The following CTNNA2 variants were observed in gnomAD, a reference collection of about 807,000 sequenced individuals.
CTNNA2 encodes catenin alpha 2, also known as catenin alpha-2.
CTNNA2 carries 42 observed loss-of-function variants against 101.0 expected under a neutral mutation model. That is an observed-to-expected ratio of 0.42 (90% CI 0.32 to 0.54). CTNNA2 has a LOEUF of 0.54. Among genes scored for constraint, CTNNA2 ranks in the 20% least tolerant of loss-of-function variants. The pLI, the probability that CTNNA2 is intolerant of heterozygous loss-of-function variation, is 0.14. For synonymous variants in CTNNA2, 450 were observed against 456.4 expected, an observed-to-expected ratio of 0.99 and a Z score of 0.18; for missense variants, 871 against 1,223.1, an observed-to-expected ratio of 0.71 and a Z score of 4.29.
intron 2 of CTNNA2, among the ~76,000 whole-genome samples, chr2:79,247,937 C>A (rs919689207): frequency 2.0e-5 from 3 of 152,190 alleles, no homozygotes; most frequent in African/African-American, 7.2e-5. Flanking sequence ...TACACCTGGA[C>A]TTCATCCCAA....
At chr2:80,450,415 G>A (rs1683405723) in intron 9 of CTNNA2, among the ~76,000 whole-genome samples, 1 of 151,728 alleles carries the variant, frequency 6.6e-6, no homozygotes, top group Non-Finnish European at 1.5e-5. Context: ...TTTGTGTTTT[G>A]GGAACATCCA....
chr2:80,142,711 T>C (rs1843130), intron 7 of CTNNA2, among the ~76,000 whole-genome samples: 59,909 of 152,020 alleles, frequency 0.39, 13,252 homozygotes, highest in Non-Finnish European at 0.51. Context: ...TTTTAGGCTT[T>C]CAGCAGCCCA....
intron 4 of CTNNA2, among the ~76,000 whole-genome samples, chr2:79,860,971 A>C (rs1681579169): frequency 6.6e-6 from 1 of 152,220 alleles, no homozygotes; most frequent in Non-Finnish European, 1.5e-5. Context: ...ACTCAGGATG[A>C]AGAACATGTC....
intron 8 of CTNNA2, among the ~76,000 whole-genome samples, chr2:80,418,759 G>A (rs1158378126): frequency 6.6e-6 from 1 of 152,088 alleles, no homozygotes; most frequent in Admixed American, 6.5e-5. Context: ...TAATTTTTCA[G>A]GGACAGTTTC....
At chr2:80,032,979 C>T (rs1369325418) in intron 7 of CTNNA2, among the ~76,000 whole-genome samples, 2 of 151,860 alleles carry the variant, frequency 1.3e-5, no homozygotes, top group African/African-American at 4.8e-5. Flanking sequence ...GGTGAAACCC[C>T]ATCTCTACCA....
chr2:79,682,366 G>A (rs1292455174), intron 2 of CTNNA2, among the ~76,000 whole-genome samples: 4 of 140,536 alleles, frequency 2.8e-5, no homozygotes, highest in East Asian at 4.2e-4. Flanking sequence ...AGCCGAGATC[G>A]CGCCACTGCA....
At chr2:79,728,182 A>C (rs1004014898) in intron 2 of CTNNA2, among the ~76,000 whole-genome samples, 6 of 152,124 alleles carry the variant, frequency 3.9e-5, no homozygotes, top group African/African-American at 7.2e-5. Context: ...GAACTAGTTT[A>C]CAGTCCCACC....
intron 13 of CTNNA2, chr2:80,575,254 C>T (rs965364287): frequency 1.6e-4 from 25 of 152,140 alleles, no homozygotes; most frequent in Admixed American, 6.6e-5. Context: ...ATGGTATCCA[C>T]ACTTGTAACT....
chr2:79,563,298 G>T (rs1573354315), intron 1 of CTNNA2, among the ~76,000 whole-genome samples: 1 of 151,792 alleles, frequency 6.6e-6, no homozygotes, highest in South Asian at 2.1e-4. Context: ...GGGATTCAGG[G>T]TTTTTTGGTC....
chr2:79,883,405 T>C (rs1683597020), intron 6 of CTNNA2, among the ~76,000 whole-genome samples: 1 of 152,094 alleles, frequency 6.6e-6, no homozygotes, highest in Non-Finnish European at 1.5e-5. Context: ...AGCAAAAGAA[T>C]GAGGAAAAAA....
intron 7 of CTNNA2, among the ~76,000 whole-genome samples, chr2:80,017,318 G>A (rs187708804): frequency 6.6e-6 from 1 of 152,192 alleles, no homozygotes; most frequent in East Asian, 1.9e-4. Flanking sequence ...GGATGGATGA[G>A]TGTGTGAATA....
intron 7 of CTNNA2, among the ~76,000 whole-genome samples, chr2:79,928,640 A>G (rs1687189497): frequency 3.9e-5 from 6 of 152,210 alleles, no homozygotes; most frequent in Admixed American, 3.9e-4. Context: ...GTGTCTGCCC[A>G]ATTTCCAATC....
intron 7 of CTNNA2, among the ~76,000 whole-genome samples, chr2:79,975,454 C>G (rs1473669969): frequency 1.3e-5 from 2 of 152,152 alleles, no homozygotes; most frequent in African/African-American, 4.8e-5. Flanking sequence ...CAGACACCAG[C>G]TGGGTGTCCT....
At chr2:80,485,367 C>T (rs1481506413) in intron 9 of CTNNA2, among the ~76,000 whole-genome samples, 2 of 152,140 alleles carry the variant, frequency 1.3e-5, no homozygotes, top group Non-Finnish European at 2.9e-5. Context: ...CTGATAACTC[C>T]ATACAGGGTT....
intron 7 of CTNNA2, among the ~76,000 whole-genome samples, chr2:80,342,773 T>C (rs1044005460): frequency 5.3e-5 from 8 of 152,216 alleles, no homozygotes; most frequent in African/African-American, 1.9e-4. Flanking sequence ...AAATTTTAAG[T>C]GTATTGATTT....
chr2:79,449,024 C>T (rs903333625), intron 4 of CTNNA2, among the ~76,000 whole-genome samples: 1 of 151,948 alleles, frequency 6.6e-6, no homozygotes, highest in Non-Finnish European at 1.5e-5. Flanking sequence ...ATTTTGAAAC[C>T]GCATGATGCA....
intron 7 of CTNNA2, among the ~76,000 whole-genome samples, chr2:80,362,633 C>T (rs1230691819): frequency 1.1e-5 from 1 of 87,370 alleles, no homozygotes; most frequent in Non-Finnish European, 2.1e-5. Context: ...GGAAACTTAA[C>T]GTTTTTAAAA....
intron 3 of CTNNA2, among the ~76,000 whole-genome samples, chr2:79,813,757 C>G (rs1484020145): frequency 6.6e-6 from 1 of 152,076 alleles, no homozygotes; most frequent in Non-Finnish European, 1.5e-5. Context: ...AGCTAAGGAC[C>G]TTCTTTTAAG....
chr2:79,902,550 G>T (rs897087932), intron 6 of CTNNA2, among the ~76,000 whole-genome samples: 4 of 151,862 alleles, frequency 2.6e-5, no homozygotes, highest in African/African-American at 9.7e-5. Flanking sequence ...CCAGTTAAAG[G>T]GCTCATAAGA....
Sources: gnomAD v4.1 joint callset for allele counts (sites outside exome capture counted in the v4.1 genomes callset) on GRCh38, gnomAD v4.1.1 for gene constraint, MANE v1.5 for transcripts, NCBI Gene and HGNC (gene_info 2026-07-23, HGNC 2026-07-21) for gene names.